Variants in RNASEH2C observed in about 807,000 individuals in gnomAD.
RNASEH2C encodes the protein RNase H1 small subunit.
In RNASEH2C, 20 loss-of-function variants were observed where a neutral mutation model predicts 16.3. The ratio of observed to expected loss-of-function variants is 1.23; its 90% CI spans 0.86 to 1.79. The LOEUF is 1.79. RNASEH2C is among the 40% of genes most tolerant of loss of function. The pLI, the probability that RNASEH2C is intolerant of heterozygous loss-of-function variation, is 0.00. For synonymous variants in RNASEH2C, 106 were observed against 98.9 expected, an observed-to-expected ratio of 1.07 and a Z score of -0.43; for missense variants, 296 against 235.9, an observed-to-expected ratio of 1.25 and a Z score of -1.67.
chr11:65,719,637 A>G lies in RNASEH2C; in HGVS notation c.*146T>C. ...GCAAAGTTCTTGGTGGGGAGGGGGAAAGGGCCCATGCTGGCTTAGGGGCTC... is the reference window on the plus strand; with the variant it reads ...GCAAAGTTCTTGGTGGGGAGGGGGAGAGGGCCCATGCTGGCTTAGGGGCTC... On this transcript the variant is annotated 3_prime_UTR_variant, in exon 4 of 4. Transcript: ENST00000308418. 3 of 813,486 alleles carry G rather than the reference A, an allele frequency of 3.7e-6. No homozygotes were observed. The highest frequency in any genetic ancestry group is 2.8e-5 in the South Asian group (2 of 72,408). The allele number at this position is 813,486 out of a possible 1,614,324, so 50.4% of individuals were successfully genotyped here.
rs1300118434 is a variant in RNASEH2C, at chr11:65,719,008, G to A, written c.*775C>T. Reference sequence around the variant, plus strand: ...TGTGGGATGCAGAGTGCAGTCCTCTGTGGGCTGACCACCTGCTGAACCCAT... The same window carrying A: ...TGTGGGATGCAGAGTGCAGTCCTCTATGGGCTGACCACCTGCTGAACCCAT... On this transcript the variant is annotated 3_prime_UTR_variant, in exon 4 of 4. Coordinates refer to ENST00000308418, the MANE Select transcript of RNASEH2C (RefSeq NM_032193.4). 4 of 1,614,066 alleles carry A rather than the reference G, an allele frequency of 2.5e-6. No individual in the cohort carries two copies. Among genetic ancestry groups the A allele is most frequent in the Middle Eastern group, 1.6e-4 (1 of 6,062 alleles).
rs1467127366 is a variant in RNASEH2C, at chr11:65,719,238, C to T, written c.*545G>A. ...CAGCAGGACTGGGGCTGATAGCCCA[C>T]CCCGCCCCCACTGCAGCTCCCACAA... is the stretch of plus-strand genomic sequence containing the variant. On this transcript the variant is annotated 3_prime_UTR_variant, in exon 4 of 4. Transcript: ENST00000308418. 14 of 1,583,754 alleles carry T rather than the reference C, an allele frequency of 8.8e-6. No individual in the cohort carries two copies. The highest frequency in any genetic ancestry group is 1.2e-5 in the Non-Finnish European group (14 of 1,162,660).
Position 65,719,038 on chromosome 11 carries a change from T to C in RNASEH2C, c.*745A>G. On this transcript the variant is annotated 3_prime_UTR_variant, in exon 4 of 4. Coordinates refer to ENST00000308418, the MANE Select transcript of RNASEH2C (RefSeq NM_032193.4). The stretch of plus-strand genomic sequence containing the variant: ...CTGACCACCTGCTGAACCCATCTCC[T>C]CTGCCCAGGGCCAGTACATCCTCAC... 1 of 1,614,084 alleles carries C rather than the reference T, an allele frequency of 6.2e-7. No individual in the cohort carries two copies. The highest frequency in any genetic ancestry group is 8.5e-7 in the Non-Finnish European group (1 of 1,179,962).
chr11:65,720,024 C>T (rs747376714), intron 3 of RNASEH2C, 21 bp downstream of exon 3: 1 of 1,612,394 alleles, frequency 6.2e-7, no homozygotes, highest in African/African-American at 1.3e-5. Flanking sequence ...GGGGGCAAGA[C>T]GGAACTCCTC....
rs1857359035 is a variant in RNASEH2C, at chr11:65,720,581, G to T, written c.172+6C>A. The stretch of plus-strand genomic sequence containing the variant: ...CCGGGAGCCGTAGTCCGGCCGCAGG[G>T]CTCACCCTCGGGGCCCTGGCGGATG... On this transcript the variant is annotated splice_donor_region_variant and intron_variant, in intron 1 of 3. Coordinates refer to ENST00000308418, the MANE Select transcript of RNASEH2C (RefSeq NM_032193.4). 1.3e-6 allele frequency: 2 copies of T among 1,526,126 alleles called. No individual in the cohort carries two copies. The highest frequency in any genetic ancestry group is 1.8e-6 in the Non-Finnish European group (2 of 1,140,010). The allele number at this position is 1,526,126 out of a possible 1,614,324, so 94.5% of individuals were successfully genotyped here.
At chr11:65,720,466 A>G in intron 1 of RNASEH2C, 49 bp from the exon 2 acceptor site, 1 of 1,604,716 alleles carries the variant, frequency 6.2e-7, no homozygotes, top group Non-Finnish European at 8.5e-7. Flanking sequence ...CGCTGGGTCG[A>G]GCCCGGAGCT....
In RNASEH2C at chr11:65,720,139, T is replaced by A. The variant is rs143452727; in HGVS notation, c.374A>T (p.Asn125Ile). The change falls in exon 3 of 4, where the codon AAC (asparagine) becomes ATC (isoleucine). Residue 125 changes from asparagine (N) to isoleucine (I), a missense_variant. Coordinates refer to ENST00000308418, the MANE Select transcript of RNASEH2C (RefSeq NM_032193.4). ...ACCCCACAGGGTGAAGCGGCTGAAG[T>A]TGGCAGTGGCTCCAATGAAGCGGTC... ...DFDRFIGATA[N>I]FSRFTLWGLE... 6.2e-7 allele frequency: 1 copy of A among 1,614,176 alleles called. No homozygotes were observed.
chr11:65,720,478 C>A, intron 1 of RNASEH2C, 61 bp from the exon 2 acceptor site: 1 of 1,597,726 alleles, frequency 6.3e-7, no homozygotes, highest in Non-Finnish European at 8.5e-7. Flanking sequence ...CCCGGAGCTG[C>A]CCTCCCGCCA....
Position 65,718,924 on chromosome 11 carries a change from G to A in RNASEH2C, c.*859C>T. 6.2e-7 allele frequency: 1 copy of A among 1,614,192 alleles called. No homozygotes were observed. The highest frequency in any genetic ancestry group is 8.5e-7 in the Non-Finnish European group (1 of 1,180,040). ...AGAAGGAGGATGTCATCTCCACTCTGCAGTACCTCAATCTCATCAACTACT... is the reference window on the plus strand; with the variant it reads ...AGAAGGAGGATGTCATCTCCACTCTACAGTACCTCAATCTCATCAACTACT... On this transcript the variant is annotated 3_prime_UTR_variant, in exon 4 of 4. Transcript: ENST00000308418.
At position 65,719,740 on chromosome 11, in the gene RNASEH2C, C is replaced by T. The variant is rs1469451130; in HGVS notation, c.*43G>A. 1 of 1,606,020 alleles carries T rather than the reference C, an allele frequency of 6.2e-7. No individual in the cohort carries two copies. The highest frequency in any genetic ancestry group is 1.7e-5 in the Admixed American group (1 of 59,992). ...GAATCGGTTCCAAAGAGCTGGTTTA[C>T]TGCTGTGAAGGGATCGCAGCTTTGA... is the stretch of plus-strand genomic sequence containing the variant. On this transcript the variant is annotated 3_prime_UTR_variant, in exon 4 of 4. Coordinates refer to ENST00000308418, the MANE Select transcript of RNASEH2C (RefSeq NM_032193.4).
At position 65,718,766 on chromosome 11, in the gene RNASEH2C, C is replaced by T. The variant is rs4645938; in HGVS notation, c.*1017G>A. ...CACCATCAAGTGAGCCTGGCGCTGT[C>T]TACCTGGGGGTACATGGCATGGCTT... On this transcript the variant is annotated 3_prime_UTR_variant, in exon 4 of 4. Transcript: ENST00000308418. 1.4e-3 allele frequency: 2,259 copies of T among 1,614,126 alleles called. 16 individuals are homozygous for T. In the Middle Eastern group the frequency reaches 0.026, roughly 19 times the overall value.
At position 65,720,130 on chromosome 11, in the gene RNASEH2C, C is replaced by T. The variant is rs1297545009; in HGVS notation, c.383G>A (p.Arg128His). 1 of 1,614,112 alleles carries T rather than the reference C, an allele frequency of 6.2e-7. No individual in the cohort carries two copies. Among genetic ancestry groups the T allele is most frequent in the Non-Finnish European group, 8.5e-7 (1 of 1,180,046 alleles). ...RFIGATANFS[R>H]FTLWGLETIP... is the part of the protein sequence containing the mutation. ...GGTCTCCAGACCCCACAGGGTGAAG[C>T]GGCTGAAGTTGGCAGTGGCTCCAAT... Residue 128 changes from arginine (R) to histidine (H), a missense_variant, in exon 3 of 4, where the codon CGC (arginine) becomes CAC (histidine). By Grantham distance (29) the Arg-to-His change is conservative. Coordinates refer to ENST00000308418, the MANE Select transcript of RNASEH2C (RefSeq NM_032193.4).
Position 65,718,844 on chromosome 11 carries a change from C to T in RNASEH2C, c.*939G>A. The T allele has an allele frequency of 1.2e-6, 2 of 1,613,848 alleles. No homozygotes were observed. The highest frequency in any genetic ancestry group is 8.5e-7 in the Non-Finnish European group (1 of 1,179,764). On this transcript the variant is annotated 3_prime_UTR_variant, in exon 4 of 4. Transcript: ENST00000308418. ...GCTCCTGGGGACAGATAAAGGTCCT[C>T]AGGGAACCTGACCTGTGCTCTCCCA...
Position 65,720,235 on chromosome 11 carries a change from T to C in RNASEH2C, c.348+7A>G. ...GCACCCCCTTTCAACCCTATCCCTT[T>C]GCTCACGAAGTCCCGCTCCAGCGGC... On this transcript the variant is annotated splice_region_variant and intron_variant, in intron 2 of 3. Transcript: ENST00000308418. 6.2e-7 allele frequency: 1 copy of C among 1,614,226 alleles called. No individual in the cohort carries two copies. The highest frequency in any genetic ancestry group is 1.1e-5 in the South Asian group (1 of 91,090).
Position 65,719,086 on chromosome 11 carries a change from G to A in RNASEH2C, c.*697C>T, listed in dbSNP as rs1857307335. Reference sequence around the variant, plus strand: ...CACACTGTCAGAGGACATCGTGGATGGCCATGAGCGGGCCATGCTCAAGCG... The same window carrying A: ...CACACTGTCAGAGGACATCGTGGATAGCCATGAGCGGGCCATGCTCAAGCG... On this transcript the variant is annotated 3_prime_UTR_variant, in exon 4 of 4. Transcript: ENST00000308418. 5.0e-6 allele frequency: 8 copies of A among 1,614,060 alleles called. No homozygotes were observed. The highest frequency in any genetic ancestry group is 2.7e-5 in the African/African-American group (2 of 74,924).
rs758276277 is a variant in RNASEH2C, at chr11:65,720,564, C to A, written c.172+23G>T. ...GGCCGGCGCGGGGGCTGCCGGGAGC[C>A]GTAGTCCGGCCGCAGGGCTCACCCT... On this transcript the variant is annotated intron_variant, in intron 1 of 3. Transcript: ENST00000308418. The A allele has an allele frequency of 2.0e-6, 3 of 1,518,650 alleles. No homozygotes were observed. The South Asian group carries it at 3.6e-5, about 18-fold the overall frequency. The allele number at this position is 1,518,650 out of a possible 1,614,324, so 94.1% of individuals were successfully genotyped here.
In RNASEH2C at chr11:65,719,128, T is replaced by TC; in HGVS notation, c.*654dup. 1 of 1,614,162 alleles carries TC rather than the reference T, an allele frequency of 6.2e-7. No homozygotes were observed. Among genetic ancestry groups the TC allele is most frequent in the Non-Finnish European group, 8.5e-7 (1 of 1,180,024 alleles). Reference sequence around the variant, plus strand: ...GCTCAAGCGGCTCCTGCGGATCGACTCCAAGTGTCTGCACTTCACTCCCAA... The same window carrying TC: ...GCTCAAGCGGCTCCTGCGGATCGACTCCCAAGTGTCTGCACTTCACTCCCAA... On this transcript the variant is annotated 3_prime_UTR_variant, in exon 4 of 4. Transcript: ENST00000308418.
rs1165171535 is a variant in RNASEH2C at position 65,720,591 on chromosome 11, G to C, written c.168C>G (p.Pro56=). 6.5e-7 allele frequency: 1 copy of C among 1,533,448 alleles called. No individual in the cohort carries two copies. Among genetic ancestry groups the C allele is most frequent in the African/African-American group, 1.4e-5 (1 of 72,886 alleles). The allele number at this position is 1,533,448 out of a possible 1,614,324, so 95.0% of individuals were successfully genotyped here. Residue 56 remains proline, a synonymous_variant, in exon 1 of 4, where the codon CCC becomes CCG. Transcript: ENST00000308418. ...TAGTCCGGCCGCAGGGCTCACCCTC[G>C]GGGCCCTGGCGGATGGCGGGCGTGA... ...RFFTPAIRQG[P]EGLEVSFRGR...
At position 65,718,472 on chromosome 11, in the gene RNASEH2C, GCCAA is replaced by G; in HGVS notation, c.*1307_*1310del. The G allele has an allele frequency of 2.9e-6, 3 of 1,025,660 alleles. No individual in the cohort carries two copies. The highest frequency in any genetic ancestry group is 1.5e-5 in the South Asian group (1 of 66,188). The allele number at this position is 1,025,660 out of a possible 1,614,324, so 63.5% of individuals were successfully genotyped here. The stretch of plus-strand genomic sequence containing the variant: ...ACAGAGAAGTGGAGGGCATAGAACT[GCCAA>G]GTGGCAGGGCCATGATAGGAACTAG... On this transcript the variant is annotated 3_prime_UTR_variant, in exon 4 of 4. Coordinates refer to ENST00000308418, the MANE Select transcript of RNASEH2C (RefSeq NM_032193.4).
Sources: allele counts gnomAD v4.1 joint callset, GRCh38; gene constraint gnomAD v4.1.1; transcripts MANE v1.5; gene names NCBI Gene and HGNC (gene_info 2026-07-23, HGNC 2026-07-21).